AGPAT5: variants seen among roughly 807,000 people sequenced by gnomAD.
The protein encoded by AGPAT5 is 1-acylglycerol-3-phosphate O-acyltransferase 5, also known as 1-acyl-sn-glycerol-3-phosphate acyltransferase epsilon.
AGPAT5 carries 46 observed loss-of-function variants against 45.6 expected under a neutral mutation model. The ratio of observed to expected loss-of-function variants is 1.01; its 90% CI spans 0.80 to 1.29. The LOEUF (loss-of-function observed/expected upper bound fraction) is 1.29. AGPAT5 is among the 50% of genes most tolerant of loss of function. AGPAT5 has a pLI of 0.00. For missense variants in AGPAT5, 673 were observed against 450.7 expected, an observed-to-expected ratio of 1.49 and a Z score of -4.47; for synonymous variants, 272 against 167.0, an observed-to-expected ratio of 1.63 and a Z score of -4.85.
chr8:6,715,690 G>T (rs1014949030), intron 1 of AGPAT5, among the ~76,000 whole-genome samples: 1 of 152,106 alleles, frequency 6.6e-6, no homozygotes. Flanking sequence ...TACTTTCAAG[G>T]TATTCATCTA....
intron 1 of AGPAT5, among the ~76,000 whole-genome samples, chr8:6,715,171 C>G (rs1445245085): frequency 6.6e-6 from 1 of 152,134 alleles, no homozygotes; most frequent in East Asian, 1.9e-4. Context: ...TGTGGGAAGA[C>G]AAACAATAAC....
At chr8:6,728,969 G>C (rs532841291) in intron 2 of AGPAT5, among the ~76,000 whole-genome samples, 1 of 152,150 alleles carries the variant, frequency 6.6e-6, no homozygotes, top group Non-Finnish European at 1.5e-5. Flanking sequence ...CAATAACACA[G>C]GTTGTGTCTG....
chr8:6,721,562 A>G (rs772485987), intron 1 of AGPAT5, among the ~76,000 whole-genome samples: 3 of 152,210 alleles, frequency 2.0e-5, no homozygotes, highest in Non-Finnish European at 4.4e-5. Flanking sequence ...TATTACACTC[A>G]TTTTACAGGC....
chr8:6,738,374 A>T (rs1420543383), intron 4 of AGPAT5: 2 of 152,226 alleles, frequency 1.3e-5, no homozygotes, highest in Non-Finnish European at 2.9e-5. Flanking sequence ...ACAGGCCATC[A>T]TTGGAGCAGT....
chr8:6,714,134 C>G (rs1024029870), intron 1 of AGPAT5, among the ~76,000 whole-genome samples: 6 of 152,204 alleles, frequency 3.9e-5, no homozygotes, highest in African/African-American at 1.2e-4. Context: ...AGCGTCGTCT[C>G]TGATACCTAT....
intron 1 of AGPAT5, chr8:6,709,647 G>C (rs557892231): frequency 1.3e-5 from 2 of 151,658 alleles, no homozygotes; most frequent in Non-Finnish European, 2.9e-5. Flanking sequence ...TGTCCACCTA[G>C]TCCTCTTTTA....
At chr8:6,747,213 C>G (rs1043134636) in intron 5 of AGPAT5, among the ~76,000 whole-genome samples, 1 of 152,238 alleles carries the variant, frequency 6.6e-6, no homozygotes, top group Non-Finnish European at 1.5e-5. Flanking sequence ...GAATGAAGCA[C>G]TGAGTCCTGC....
At chr8:6,733,846 T>G (rs970062680) in intron 4 of AGPAT5, among the ~76,000 whole-genome samples, 4 of 152,226 alleles carry the variant, frequency 2.6e-5, no homozygotes, top group Non-Finnish European at 5.9e-5. Flanking sequence ...ATTGTATATA[T>G]GAAGCAAATG....
At chr8:6,719,819 A>C (rs2980692) in intron 1 of AGPAT5, among the ~76,000 whole-genome samples, 1 of 152,068 alleles carries the variant, frequency 6.6e-6, no homozygotes, top group African/African-American at 2.4e-5. Context: ...CATGATAATC[A>C]TGTTCTAATC....
intron 4 of AGPAT5, among the ~76,000 whole-genome samples, chr8:6,733,982 G>A (rs1800954977): frequency 6.6e-6 from 1 of 152,170 alleles, no homozygotes; most frequent in African/African-American, 2.4e-5. Flanking sequence ...CTTGTCATGT[G>A]TCTTGTTTAT....
chr8:6,740,943 T>C (rs1470566823), intron 4 of AGPAT5, among the ~76,000 whole-genome samples: 4 of 151,988 alleles, frequency 2.6e-5, no homozygotes, highest in African/African-American at 9.7e-5. Context: ...GTAGTTTTTG[T>C]AACTCAGTTC....
chr8:6,733,719 A>G (rs1234118131), intron 4 of AGPAT5, among the ~76,000 whole-genome samples: 2 of 152,212 alleles, frequency 1.3e-5, no homozygotes, highest in Non-Finnish European at 1.5e-5. Context: ...TTTACAAAAA[A>G]AATTTAAAAA....
intron 1 of AGPAT5, among the ~76,000 whole-genome samples, chr8:6,719,684 G>C (rs927013705): frequency 6.6e-6 from 1 of 152,100 alleles, no homozygotes; most frequent in Non-Finnish European, 1.5e-5. Flanking sequence ...ACCCAAACAA[G>C]CTAAGAAAAA....
chr8:6,745,361 A>G (rs560835457), intron 5 of AGPAT5: 11 of 154,376 alleles, frequency 7.1e-5, no homozygotes, highest in Non-Finnish European at 1.3e-4. Flanking sequence ...AACTAAGTCT[A>G]TAGCTGTGCA....
intron 4 of AGPAT5, among the ~76,000 whole-genome samples, chr8:6,735,572 G>A (rs577972690): frequency 8.5e-5 from 13 of 152,266 alleles, no homozygotes; most frequent in African/African-American, 3.1e-4. Flanking sequence ...CTTGCATCTT[G>A]TTTCTCCTTT....
chr8:6,744,491 C>G (rs1801360257), intron 5 of AGPAT5, among the ~76,000 whole-genome samples: 1 of 152,146 alleles, frequency 6.6e-6, no homozygotes, highest in Non-Finnish European at 1.5e-5. Context: ...AAGGTGTTGG[C>G]AGGGCTGCAG....
intron 5 of AGPAT5, chr8:6,746,306 G>A (rs190925954): frequency 5.3e-5 from 8 of 152,260 alleles, no homozygotes; most frequent in Non-Finnish European, 2.9e-5. Context: ...GTTATGGTGT[G>A]GCTTTATCTA....
At chr8:6,750,244 C>A (rs1801615559) in intron 6 of AGPAT5, among the ~76,000 whole-genome samples, 1 of 152,172 alleles carries the variant, frequency 6.6e-6, no homozygotes, top group Admixed American at 6.6e-5. Context: ...TTTCTCTCTT[C>A]CCAGCCGCAT....
At chr8:6,752,574 G>A (rs956489191) in intron 6 of AGPAT5, among the ~76,000 whole-genome samples, 19 of 142,058 alleles carry the variant, frequency 1.3e-4, no homozygotes, top group African/African-American at 5.2e-4. Flanking sequence ...AGCAAATGGG[G>A]CTTGGTTTTG....
Sources: allele counts gnomAD v4.1 joint callset (sites outside exome capture counted in the v4.1 genomes callset), GRCh38; gene constraint gnomAD v4.1.1; transcripts MANE v1.5; gene names NCBI Gene and HGNC (gene_info 2026-07-23, HGNC 2026-07-21).